TTC28: variants seen among roughly 807,000 people sequenced by gnomAD.
TTC28 encodes the protein tetratricopeptide repeat domain 28.
TTC28 carries 61 observed loss-of-function variants against 198.0 expected under a neutral mutation model. The observed-to-expected ratio is 0.31, with a 90% CI of 0.25 to 0.38. The LOEUF (loss-of-function observed/expected upper bound fraction) is 0.38. TTC28 is among the 10% of genes least tolerant of loss of function. TTC28 has a pLI of 1.00. For synonymous variants in TTC28, 1,171 were observed against 1,297.8 expected (o/e 0.90, Z 2.10); for missense variants, 2,678 against 3,164.0 (o/e 0.85, Z 3.69).
Position 28,679,740 on chromosome 22 carries a change from C to A in TTC28, c.-17G>T, listed in dbSNP as rs950061822. 2 of 1,204,844 alleles carry A rather than the reference C, an allele frequency of 1.7e-6. No homozygotes were observed. Among genetic ancestry groups the A allele is most frequent in the Non-Finnish European group, 2.1e-6 (2 of 967,012 alleles). 74.6% of individuals were successfully genotyped at this position (1,204,844 alleles called of 1,614,324 possible). On this transcript the variant is annotated 5_prime_UTR_variant, in exon 1 of 23. Coordinates refer to ENST00000397906, the MANE Select transcript of TTC28 (RefSeq NM_001145418.2). ...CTGCTCCATCCCCACGGGGCCCGGG[C>A]CGCGTCCGCCTCGAGCTAACGGTCC...
At position 28,239,073 on chromosome 22, in the gene TTC28, G is replaced by A. The variant is rs546773620; in HGVS notation, c.933+57125C>T. On this transcript the variant is annotated intron_variant, in intron 5 of 22. Coordinates refer to ENST00000397906, the MANE Select transcript of TTC28 (RefSeq NM_001145418.2). ...CTTCTGTCAGGGATCACAGTTCTGC[G>A]TGATTTGCTCAGGTCTGAAAACAGT... Among the ~76,000 whole-genome samples the A allele has an allele frequency of 1.1e-4, 16 of 152,230 alleles. No individual in the cohort carries two copies. The East Asian group carries it at 1.5e-3, about 15-fold the overall frequency.
chr22:28,033,032 C>T (rs1449278451), intron 12 of TTC28, among the ~76,000 whole-genome samples: 1 of 152,166 alleles, frequency 6.6e-6, no homozygotes, highest in Admixed American at 6.5e-5. Flanking sequence ...TCCAGGGACA[C>T]ATTTATCATC....
At chr22:28,394,440 A>G (rs975288264) in intron 2 of TTC28, among the ~76,000 whole-genome samples, 20 of 152,210 alleles carry the variant, frequency 1.3e-4, no homozygotes, top group Admixed American at 5.2e-4. Context: ...TGTCTTCTCC[A>G]AACTCTGGGA....
In TTC28 at chr22:28,321,590, T is replaced by G. The variant is rs770966690; in HGVS notation, c.382-14947A>C. On this transcript the variant is annotated intron_variant, in intron 2 of 22. Transcript: ENST00000397906. ...GCAAGTTTTGTAACCACCTCTTTTG[T>G]GCAATAGTCATCATAAGAACTTCTT... Among the ~76,000 whole-genome samples the G allele has an allele frequency of 6.8e-4, 103 of 152,306 alleles. 1 individual carries two copies. Among genetic ancestry groups the G allele is most frequent in the Admixed American group, 1.2e-3 (19 of 15,292 alleles).
chr22:28,343,078 C>T (rs1022961059), intron 2 of TTC28, among the ~76,000 whole-genome samples: 3 of 151,938 alleles, frequency 2.0e-5, no homozygotes, highest in African/African-American at 7.3e-5. Flanking sequence ...AGTATAACAC[C>T]TTATGAACAA....
At chr22:28,378,818 A>T (rs1049916138) in intron 2 of TTC28, among the ~76,000 whole-genome samples, 1 of 152,202 alleles carries the variant, frequency 6.6e-6, no homozygotes, top group African/African-American at 2.4e-5. Flanking sequence ...AAGCAGCCGA[A>T]TATACAAGTA....
chr22:28,553,057 G>A (rs553426471), intron 2 of TTC28, among the ~76,000 whole-genome samples: 3 of 152,234 alleles, frequency 2.0e-5, no homozygotes, highest in Admixed American at 6.5e-5. Context: ...CCGAGGTGCC[G>A]GGATTGCAGA....
At chr22:28,083,728 G>A (rs933844972) in intron 12 of TTC28, among the ~76,000 whole-genome samples, 7 of 152,240 alleles carry the variant, frequency 4.6e-5, no homozygotes, top group African/African-American at 1.7e-4. Context: ...CTTCACCAGG[G>A]AAGCACAAGG....
chr22:28,552,758 T>G (rs376505566), intron 2 of TTC28, among the ~76,000 whole-genome samples: 1 of 133,308 alleles, frequency 7.5e-6, no homozygotes, highest in African/African-American at 2.5e-5. Flanking sequence ...TCCCTCTCCC[T>G]CTCCGCCTCC....
intron 2 of TTC28, among the ~76,000 whole-genome samples, chr22:28,533,925 A>G (rs576188689): frequency 1.3e-5 from 2 of 152,352 alleles, no homozygotes; most frequent in Admixed American, 1.3e-4. Flanking sequence ...TGGATTAAAG[A>G]CTTAAATGTT....
At chr22:28,155,695 T>C (rs1025831063) in intron 6 of TTC28, among the ~76,000 whole-genome samples, 10 of 152,128 alleles carry the variant, frequency 6.6e-5, no homozygotes, top group Non-Finnish European at 1.5e-4. Flanking sequence ...GTGAGATTAG[T>C]GAAAATGGAA....
chr22:28,192,693 T>C (rs1924939541), intron 5 of TTC28, among the ~76,000 whole-genome samples: 1 of 151,818 alleles, frequency 6.6e-6, no homozygotes. Flanking sequence ...AGGGTATCAG[T>C]GATGGAAGAG....
chr22:28,638,519 A>G (rs908705525), intron 1 of TTC28, among the ~76,000 whole-genome samples: 2 of 152,106 alleles, frequency 1.3e-5, no homozygotes, highest in South Asian at 4.1e-4. Context: ...GATTAGTAAC[A>G]AATCGGTTAA....
chr22:28,576,617 G>A (rs1205195399), intron 2 of TTC28, among the ~76,000 whole-genome samples: 1 of 152,000 alleles, frequency 6.6e-6, no homozygotes, highest in African/African-American at 2.4e-5. Context: ...CAGATCCTGG[G>A]GTTTCCTTTG....
intron 5 of TTC28, among the ~76,000 whole-genome samples, chr22:28,274,900 A>C (rs1440346914): frequency 6.7e-6 from 1 of 148,742 alleles, no homozygotes. Context: ...AATCACTTGA[A>C]CCCAGAAGGT....
chr22:28,217,251 T>G (rs961022369), intron 5 of TTC28, among the ~76,000 whole-genome samples: 2 of 151,858 alleles, frequency 1.3e-5, no homozygotes, highest in African/African-American at 4.8e-5. Context: ...TCAATATATA[T>G]ACCTACTATG....
At chr22:28,128,191 G>A (rs994034966) in intron 6 of TTC28, among the ~76,000 whole-genome samples, 10 of 152,034 alleles carry the variant, frequency 6.6e-5, no homozygotes, top group African/African-American at 9.7e-5. Flanking sequence ...AGTGGCTCAC[G>A]CCTATAATCC....
chr22:28,639,121 T>C, intron 1 of TTC28, among the ~76,000 whole-genome samples: 1 of 152,354 alleles, frequency 6.6e-6, no homozygotes, highest in South Asian at 2.1e-4. Flanking sequence ...ACAAGGATAG[T>C]CATAATAGCA....
At chr22:28,129,781 C>T (rs1037838879) in intron 6 of TTC28, among the ~76,000 whole-genome samples, 4 of 152,128 alleles carry the variant, frequency 2.6e-5, no homozygotes, top group African/African-American at 7.2e-5. Context: ...AGATGATGCA[C>T]GTAAAAGTAT....
Sources: allele counts gnomAD v4.1 joint callset (sites outside exome capture counted in the v4.1 genomes callset), GRCh38; gene constraint gnomAD v4.1.1; transcripts MANE v1.5; gene names NCBI Gene and HGNC (gene_info 2026-07-23, HGNC 2026-07-21).